PTPRB: variants seen among roughly 807,000 people sequenced by gnomAD.
PTPRB encodes the protein receptor-type tyrosine-protein phosphatase beta.
PTPRB carries 97 observed loss-of-function variants against 238.1 expected under a neutral mutation model. That is an observed-to-expected ratio of 0.41 (90% CI 0.35 to 0.48). PTPRB has a LOEUF of 0.48. Ranked by LOEUF, PTPRB falls within the 20% of genes least tolerant of loss-of-function variation. The probability of loss-of-function intolerance (pLI) is 0.30; values close to 1 mark genes in which losing one functional copy is unlikely to be tolerated. For missense variants in PTPRB, 2,292 were observed against 2,681.9 expected, an observed-to-expected ratio of 0.85 and a Z score of 3.21; for synonymous variants, 970 against 995.4, an observed-to-expected ratio of 0.97 and a Z score of 0.48.
At chr12:70,577,820 G>A (rs979861833) in intron 10 of PTPRB, among the ~76,000 whole-genome samples, 1 of 152,042 alleles carries the variant, frequency 6.6e-6, no homozygotes, top group African/African-American at 2.4e-5. Flanking sequence ...CACATATATG[G>A]ACATTTCCTA....
At chr12:70,588,689 G>T (rs1377202558) in intron 8 of PTPRB, among the ~76,000 whole-genome samples, 4 of 151,868 alleles carry the variant, frequency 2.6e-5, no homozygotes, top group African/African-American at 9.7e-5. Context: ...GCCGTGGCTT[G>T]TGCCTGTGAT....
At chr12:70,524,917 GTA>G (rs149042251) in intron 32 of PTPRB, among the ~76,000 whole-genome samples, 7,370 of 150,806 alleles carry the variant, frequency 0.049, 603 homozygotes, top group African/African-American at 0.17. Flanking sequence ...ATATATGTAT[GTA>G]TATATGTGTG....
chr12:70,613,122 G>A (rs1015829336), intron 3 of PTPRB, among the ~76,000 whole-genome samples: 3 of 152,114 alleles, frequency 2.0e-5, no homozygotes, highest in African/African-American at 7.2e-5. Flanking sequence ...TTTGGACAGG[G>A]GTTTGAACTG....
chr12:70,556,054 A>G lies in PTPRB; in HGVS notation c.4809T>C (p.Tyr1603=). 1 of 1,613,910 alleles carries G rather than the reference A, an allele frequency of 6.2e-7. No individual in the cohort carries two copies. Among genetic ancestry groups the G allele is most frequent in the Non-Finnish European group, 8.5e-7 (1 of 1,179,812 alleles). Residue 1603 remains tyrosine (Y), a synonymous_variant, in exon 19 of 34, where the codon TAT becomes TAC. Transcript: ENST00000334414. ...WIPPDSDFDG[Y]SIECRKMDTQ... is the part of the protein sequence containing the mutation. Reference sequence around the variant, plus strand: ...TGTCCATTTTCCGGCATTCAATACTATAACCATCAAAGTCAGAATCAGGAG... The same window carrying G: ...TGTCCATTTTCCGGCATTCAATACTGTAACCATCAAAGTCAGAATCAGGAG...
chr12:70,535,126 G>C (rs1211504297), intron 29 of PTPRB, among the ~76,000 whole-genome samples, 171 bp from the exon 30 acceptor site: 2 of 151,822 alleles, frequency 1.3e-5, no homozygotes, highest in East Asian at 3.9e-4. Flanking sequence ...TGAAGCTGAG[G>C]TGCTGCTCCA....
chr12:70,564,843 A>AAATAAT (rs138995596), intron 15 of PTPRB, among the ~76,000 whole-genome samples: 2 of 96,518 alleles, frequency 2.1e-5, no homozygotes, highest in Non-Finnish European at 4.5e-5. Context: ...CAAAAATAAT[A>AAATAAT]AATAATAATA....
At chr12:70,554,751 A>G (rs1179943174) in intron 20 of PTPRB, among the ~76,000 whole-genome samples, 1 of 152,130 alleles carries the variant, frequency 6.6e-6, no homozygotes, top group Admixed American at 6.6e-5. Flanking sequence ...AGGGGTGAAG[A>G]CAGTTGAGGC....
At chr12:70,636,111 G>A in intron 1 of PTPRB, 45 bp from the exon 2 acceptor site, 1 of 1,490,170 alleles carries the variant, frequency 6.7e-7, no homozygotes, top group Non-Finnish European at 8.9e-7. Flanking sequence ...CAAATTATGA[G>A]GCCCATTAGA....
intron 2 of PTPRB, among the ~76,000 whole-genome samples, chr12:70,628,042 C>A (rs546302323): frequency 2.0e-5 from 3 of 152,114 alleles, no homozygotes; most frequent in Non-Finnish European, 4.4e-5. Flanking sequence ...CTTTAACCAG[C>A]AGTTAAATCG....
At chr12:70,592,640 C>T in intron 6 of PTPRB, 95 bp from the exon 7 acceptor site, 3 of 1,314,396 alleles carry the variant, frequency 2.3e-6, no homozygotes, top group Admixed American at 2.3e-5. Flanking sequence ...CTGCAAGCCA[C>T]ATTCCTTGCT....
At chr12:70,577,472 T>G (rs536181523) in intron 10 of PTPRB, among the ~76,000 whole-genome samples, 4 of 152,332 alleles carry the variant, frequency 2.6e-5, no homozygotes, top group African/African-American at 9.6e-5. Context: ...AATTAGTAAT[T>G]GCAGTATTGA....
intron 30 of PTPRB, 30 bp from the exon 31 acceptor site, chr12:70,534,681 G>A (rs1017594818): frequency 1.2e-6 from 2 of 1,607,660 alleles, no homozygotes; most frequent in African/African-American, 2.7e-5. Context: ...GATAAAAGAG[G>A]AACTGTCCAA....
chr12:70,588,261 G>A (rs1438737381), intron 8 of PTPRB, among the ~76,000 whole-genome samples: 2 of 151,860 alleles, frequency 1.3e-5, no homozygotes, highest in African/African-American at 2.4e-5. Context: ...TTCCTTCTTC[G>A]GTATAGAGAA....
intron 28 of PTPRB, 70 bp downstream of exon 28, chr12:70,538,085 G>A (rs1334786281): frequency 8.2e-7 from 1 of 1,226,138 alleles, no homozygotes; most frequent in Non-Finnish European, 1.2e-6. Flanking sequence ...GAACATGGAG[G>A]AGTGGCATCT....
intron 4 of PTPRB, among the ~76,000 whole-genome samples, chr12:70,605,701 G>A (rs140504109): frequency 4.6e-5 from 7 of 152,282 alleles, no homozygotes; most frequent in African/African-American, 1.7e-4. Context: ...AAAATTTTAA[G>A]AGAATCCATA....
chr12:70,583,273 G>A (rs1881567011), intron 9 of PTPRB, among the ~76,000 whole-genome samples: 2 of 152,164 alleles, frequency 1.3e-5, no homozygotes, highest in South Asian at 2.1e-4. Context: ...AGTATGATAG[G>A]CTAGATACCA....
At chr12:70,562,036 G>A (rs1295742961) in intron 16 of PTPRB, among the ~76,000 whole-genome samples, 1 of 152,220 alleles carries the variant, frequency 6.6e-6, no homozygotes, top group African/African-American at 2.4e-5. Flanking sequence ...TTGGGAGGTC[G>A]AGGCAAGAGG....
At chr12:70,630,917 C>T (rs556122382) in intron 2 of PTPRB, among the ~76,000 whole-genome samples, 13 of 152,046 alleles carry the variant, frequency 8.6e-5, no homozygotes, top group East Asian at 1.9e-4. Context: ...CACTGCTCAA[C>T]GAAATAAAAG....
intron 32 of PTPRB, among the ~76,000 whole-genome samples, chr12:70,524,837 A>T (rs1476541732): frequency 6.9e-6 from 1 of 144,728 alleles, no homozygotes; most frequent in African/African-American, 2.6e-5. Flanking sequence ...GTGTGCATAT[A>T]TGTGTGTATA....
Sources: gnomAD v4.1 joint callset for allele counts (sites outside exome capture counted in the v4.1 genomes callset) on GRCh38, gnomAD v4.1.1 for gene constraint, MANE v1.5 for transcripts, NCBI Gene and HGNC (gene_info 2026-07-23, HGNC 2026-07-21) for gene names.